ENTPD1: variants seen among roughly 807,000 people sequenced by gnomAD.
The protein encoded by ENTPD1 is ectonucleoside triphosphate diphosphohydrolase 1.
ENTPD1 carries 33 observed loss-of-function variants against 57.0 expected under a neutral mutation model. That is an observed-to-expected ratio of 0.58 (90% confidence interval 0.44 to 0.77). The LOEUF (loss-of-function observed/expected upper bound fraction) is 0.77. ENTPD1 is among the 30% of genes least tolerant of loss of function. ENTPD1 has a pLI of 0.00. For synonymous variants in ENTPD1, 202 were observed against 218.8 expected, an observed-to-expected ratio of 0.92 and a Z score of 0.68; for missense variants, 501 against 603.4, an observed-to-expected ratio of 0.83 and a Z score of 1.78.
intron 1 of ENTPD1, among the ~76,000 whole-genome samples, chr10:95,735,480 A>G (rs950306385): frequency 2.0e-5 from 3 of 152,256 alleles, no homozygotes; most frequent in African/African-American, 7.2e-5. Context: ...TTGCCAAAGC[A>G]GATAAGTTAT....
At chr10:95,821,500 A>G (rs1017617547) in intron 1 of ENTPD1, among the ~76,000 whole-genome samples, 1 of 152,190 alleles carries the variant, frequency 6.6e-6, no homozygotes, top group African/African-American at 2.4e-5. Context: ...TAGGTGGCAT[A>G]CCCATTATTA....
intron 1 of ENTPD1, among the ~76,000 whole-genome samples, chr10:95,784,522 T>A (rs896815087): frequency 1.3e-5 from 2 of 152,162 alleles, no homozygotes; most frequent in African/African-American, 2.4e-5. Context: ...AGGCTGTGTT[T>A]CCTAGTCACC....
At position 95,839,748 on chromosome 10, in the gene ENTPD1, C is replaced by A; in HGVS notation, c.202C>A (p.Pro68Thr). 6.2e-7 allele frequency: 1 copy of A among 1,613,906 alleles called. No homozygotes were observed. Among genetic ancestry groups the A allele is most frequent in the Non-Finnish European group, 8.5e-7 (1 of 1,179,992 alleles). The change falls in exon 3 of 10, where the codon CCA becomes ACA. Residue 68 changes from proline (P) to threonine (T), a missense_variant. Coordinates refer to ENST00000371205, the MANE Select transcript of ENTPD1 (RefSeq NM_001776.6). ...SHTSLYIYKW[P>T]AEKENDTGVV... ...CACAAGTTTATACATCTATAAGTGG[C>A]CAGCAGAAAAGGAGAATGACACAGG...
chr10:95,713,572 G>A (rs2097968219), intron 1 of ENTPD1, among the ~76,000 whole-genome samples: 1 of 152,230 alleles, frequency 6.6e-6, no homozygotes. Context: ...AAGATTCTGT[G>A]CTTTCACACC....
At chr10:95,760,611 G>T (rs926014217) in intron 1 of ENTPD1, among the ~76,000 whole-genome samples, 1 of 152,024 alleles carries the variant, frequency 6.6e-6, no homozygotes, top group Admixed American at 6.6e-5. Flanking sequence ...CATTGTGATT[G>T]GTATTGCCTT....
chr10:95,794,840 A>G (rs1195462695), intron 1 of ENTPD1, among the ~76,000 whole-genome samples: 2 of 152,128 alleles, frequency 1.3e-5, no homozygotes, highest in Non-Finnish European at 2.9e-5. Flanking sequence ...AAATTGTGCT[A>G]GGGCTCTGGG....
chr10:95,728,269 A>G (rs750794710), intron 1 of ENTPD1, among the ~76,000 whole-genome samples: 7 of 151,760 alleles, frequency 4.6e-5, no homozygotes, highest in Non-Finnish European at 7.4e-5. Context: ...CATATTTTGT[A>G]TGTCATATGT....
chr10:95,860,544 G>A lies in ENTPD1; in HGVS notation c.1150G>A (p.Glu384Lys). ...SEKVSQEKVTEMMKKFCAQPW... is the reference protein window; with the variant it reads ...SEKVSQEKVTKMMKKFCAQPW... ...GAAAGTCTCTCAGGAAAAGGTGACT[G>A]AGATGATGAAAAAGTTCTGTGCTCA... Residue 384 changes from glutamate to lysine, a missense_variant, in exon 8 of 10, where the codon GAG becomes AAG. Glu to Lys is a moderately conservative substitution (Grantham distance 56). Transcript: ENST00000371205. 1 of 1,613,942 alleles carries A rather than the reference G, an allele frequency of 6.2e-7. No individual in the cohort carries two copies. Among genetic ancestry groups the A allele is most frequent in the Non-Finnish European group, 8.5e-7 (1 of 1,179,860 alleles).
At chr10:95,729,427 A>G (rs1589650581) in intron 1 of ENTPD1, among the ~76,000 whole-genome samples, 1 of 152,280 alleles carries the variant, frequency 6.6e-6, no homozygotes, top group Non-Finnish European at 1.5e-5. Flanking sequence ...TTCTTACCAA[A>G]GTTCAGGAGG....
At chr10:95,808,659 T>A (rs944215242) in intron 1 of ENTPD1, among the ~76,000 whole-genome samples, 4 of 151,874 alleles carry the variant, frequency 2.6e-5, no homozygotes, top group Admixed American at 2.6e-4. Context: ...TGAGTCCACA[T>A]GCCAAGGCAC....
chr10:95,820,451 A>G (rs2098345699), intron 1 of ENTPD1, among the ~76,000 whole-genome samples: 1 of 152,238 alleles, frequency 6.6e-6, no homozygotes, highest in South Asian at 2.1e-4. Context: ...AAAAGTGTAC[A>G]TCTAACTCCT....
At chr10:95,792,682 G>T (rs533097476) in intron 1 of ENTPD1, among the ~76,000 whole-genome samples, 1 of 152,292 alleles carries the variant, frequency 6.6e-6, no homozygotes, top group Non-Finnish European at 1.5e-5. Context: ...GTTTGGAGAA[G>T]CAGAACCTTA....
At chr10:95,827,473 TTTTTGTTTTG>T (rs1053080749) in intron 2 of ENTPD1, among the ~76,000 whole-genome samples, 1 of 151,266 alleles carries the variant, frequency 6.6e-6, no homozygotes, top group African/African-American at 2.4e-5. Context: ...AAAAATTTCG[TTTTTGTTTTG>T]TTTTGTTTTG....
chr10:95,789,773 A>G, intron 1 of ENTPD1, among the ~76,000 whole-genome samples: 1 of 152,242 alleles, frequency 6.6e-6, no homozygotes, highest in East Asian at 1.9e-4. Flanking sequence ...ATAGAAATTT[A>G]AACAAATATA....
intron 7 of ENTPD1, among the ~76,000 whole-genome samples, chr10:95,853,759 G>C (rs1448207851): frequency 6.6e-6 from 1 of 152,186 alleles, no homozygotes; most frequent in African/African-American, 2.4e-5. Context: ...TGTTGATCCA[G>C]CCTTCCATCC....
chr10:95,770,252 A>AGT (rs1286103838), intron 1 of ENTPD1, among the ~76,000 whole-genome samples: 29,545 of 114,634 alleles, frequency 0.26, 3,316 homozygotes, highest in Non-Finnish European at 0.32. Context: ...AGAGTGAGTG[A>AGT]GTGAGTGTGT....
At chr10:95,835,489 A>G (rs577366513) in intron 2 of ENTPD1, among the ~76,000 whole-genome samples, 1 of 152,256 alleles carries the variant, frequency 6.6e-6, no homozygotes, top group South Asian at 2.1e-4. Flanking sequence ...TGGCAATTCT[A>G]TTTTTAGTTC....
chr10:95,782,607 A>G (rs1350606422), intron 1 of ENTPD1, among the ~76,000 whole-genome samples: 2 of 152,170 alleles, frequency 1.3e-5, no homozygotes, highest in Non-Finnish European at 2.9e-5. Flanking sequence ...GAGTTAGGGC[A>G]ATTTGAGGAA....
At chr10:95,858,604 A>T (rs1231562585) in intron 7 of ENTPD1, among the ~76,000 whole-genome samples, 1 of 152,010 alleles carries the variant, frequency 6.6e-6, no homozygotes, top group Non-Finnish European at 1.5e-5. Flanking sequence ...AAGAGGGCAG[A>T]AATAGGACCA....
Sources: allele counts gnomAD v4.1 joint callset (sites outside exome capture counted in the v4.1 genomes callset), GRCh38; gene constraint gnomAD v4.1.1; transcripts MANE v1.5; gene names NCBI Gene and HGNC (gene_info 2026-07-23, HGNC 2026-07-21).